Variants in OSBPL10 observed in about 807,000 individuals in gnomAD.
The protein encoded by OSBPL10 is oxysterol binding protein like 10.
OSBPL10 carries 49 observed loss-of-function variants against 81.7 expected under a neutral mutation model. The observed-to-expected ratio is 0.60, with a 90% CI of 0.48 to 0.76. The LOEUF (loss-of-function observed/expected upper bound fraction) is 0.76, where lower values mean the gene tolerates loss of function less well. Among genes scored for constraint, OSBPL10 ranks in the 30% least tolerant of loss-of-function variants. The probability of loss-of-function intolerance (pLI) is 0.00; values close to 1 mark genes in which losing one functional copy is unlikely to be tolerated. For missense variants in OSBPL10, 923 were observed against 987.8 expected (o/e 0.93, Z 0.88); for synonymous variants, 419 against 383.6 (o/e 1.09, Z -1.08).
intron 1 of OSBPL10, among the ~76,000 whole-genome samples, chr3:31,965,548 A>AT (rs1439103207): frequency 1.2e-4 from 1 of 8,206 alleles, no homozygotes; most frequent in African/African-American, 8.9e-4. Flanking sequence ...ATTATATATT[A>AT]TATATTATAT....
intron 2 of OSBPL10, among the ~76,000 whole-genome samples, chr3:32,046,171 G>T (rs368262923): frequency 3.3e-5 from 5 of 152,336 alleles, no homozygotes; most frequent in Middle Eastern, 3.4e-3. Context: ...GGAGTTCAAG[G>T]TTGCACTGAG....
intron 5 of OSBPL10, among the ~76,000 whole-genome samples, 166 bp from the exon 6 acceptor site, chr3:31,733,577 G>A (rs1697042235): frequency 6.6e-6 from 1 of 151,092 alleles, no homozygotes; most frequent in African/African-American, 2.4e-5. Flanking sequence ...CTGATCATCT[G>A]TTGATGAACT....
chr3:31,733,314 G>C lies in OSBPL10; in HGVS notation c.1038C>G (p.Thr346=). 6.2e-7 allele frequency: 1 copy of C among 1,613,390 alleles called. No individual in the cohort carries two copies. Among genetic ancestry groups the C allele is most frequent in the Non-Finnish European group, 8.5e-7 (1 of 1,179,904 alleles). ...CAGCAGAGTTTGGTAAAATTGCCCA[G>C]GTTATGTTGGCACTGGCTGATGGCA... The part of the protein sequence containing the change: ...GSLPSASANI[T]WAILPNSAED... Residue 346 remains threonine (T), a synonymous_variant, in exon 6 of 12, where the codon ACC becomes ACG. Coordinates refer to ENST00000396556, the MANE Select transcript of OSBPL10 (RefSeq NM_017784.5).
intron 7 of OSBPL10, among the ~76,000 whole-genome samples, chr3:31,699,204 T>C (rs1476067764): frequency 6.6e-6 from 1 of 152,204 alleles, no homozygotes; most frequent in Non-Finnish European, 1.5e-5. Flanking sequence ...ATCTCCTGAA[T>C]ACCACATGAT....
chr3:31,671,061 G>T, intron 8 of OSBPL10, 78 bp from the exon 9 acceptor site: 1 of 1,361,638 alleles, frequency 7.3e-7, no homozygotes, highest in Non-Finnish European at 9.9e-7. Flanking sequence ...ATGAAGATGG[G>T]AAACCAAAGA....
chr3:31,886,111 A>G (rs1282710283), intron 1 of OSBPL10, among the ~76,000 whole-genome samples: 2 of 152,074 alleles, frequency 1.3e-5, no homozygotes, highest in Non-Finnish European at 2.9e-5. Flanking sequence ...GCCAAACTAC[A>G]AGAGAATTAC....
intron 1 of OSBPL10, among the ~76,000 whole-genome samples, chr3:31,921,848 C>T (rs1186650999): frequency 6.6e-6 from 1 of 152,168 alleles, no homozygotes; most frequent in African/African-American, 2.4e-5. Flanking sequence ...TTAAGGTCAA[C>T]AGCAACAATT....
chr3:31,714,457 C>T (rs969710003), intron 6 of OSBPL10, among the ~76,000 whole-genome samples: 1 of 152,016 alleles, frequency 6.6e-6, no homozygotes, highest in African/African-American at 2.4e-5. Context: ...CGAGAGGCAG[C>T]GGGGTGGAGT....
At chr3:31,881,390 T>G (rs1458661615) in intron 1 of OSBPL10, among the ~76,000 whole-genome samples, 1 of 152,218 alleles carries the variant, frequency 6.6e-6, no homozygotes, top group African/African-American at 2.4e-5. Context: ...ATATTTTACA[T>G]TTTTTGAGGG....
rs553348773 is a variant in OSBPL10, at chr3:32,073,280, C to G, written n.185+4116G>C. On this transcript the variant is annotated intron_variant and non_coding_transcript_variant, in intron 1 of 3. Coordinates refer to the OSBPL10 transcript ENST00000479173. ...ACATTCACCAGGCTGCTAATCTTCT[C>G]TTGCCTACTCCAGATTCCCAGCCAT... Among the ~76,000 whole-genome samples the G allele has an allele frequency of 2.6e-5, 4 of 152,298 alleles. No homozygotes were observed. In the South Asian group the frequency reaches 6.2e-4, roughly 24 times the overall value.
At chr3:31,779,923 A>G (rs185513425) in intron 4 of OSBPL10, among the ~76,000 whole-genome samples, 1 of 152,352 alleles carries the variant, frequency 6.6e-6, no homozygotes, top group Non-Finnish European at 1.5e-5. Context: ...AAATACATAG[A>G]AATTAATTAA....
At chr3:31,809,748 C>A (rs1699624591) in intron 4 of OSBPL10, among the ~76,000 whole-genome samples, 1 of 151,828 alleles carries the variant, frequency 6.6e-6, no homozygotes, top group Non-Finnish European at 1.5e-5. Flanking sequence ...GACCCAAGTA[C>A]TTAATTTAGT....
chr3:31,954,650 T>TG (rs1697957950), intron 1 of OSBPL10, among the ~76,000 whole-genome samples: 1 of 152,080 alleles, frequency 6.6e-6, no homozygotes, highest in African/African-American at 2.4e-5. Context: ...CAGAAGCTTC[T>TG]GGGGAGATGG....
intron 8 of OSBPL10, among the ~76,000 whole-genome samples, chr3:31,683,043 G>A (rs1700693391): frequency 6.6e-6 from 1 of 152,198 alleles, no homozygotes; most frequent in South Asian, 2.1e-4. Context: ...TAACACAGAT[G>A]CTTGAATTTA....
At chr3:31,900,518 C>T (rs1335022599) in intron 1 of OSBPL10, among the ~76,000 whole-genome samples, 2 of 152,204 alleles carry the variant, frequency 1.3e-5, no homozygotes, top group Non-Finnish European at 2.9e-5. Context: ...CAAGACCTCT[C>T]TTCACATTTC....
chr3:31,661,231 T>C lies in OSBPL10; in HGVS notation c.*841A>G, dbSNP rs1700065776. On this transcript the variant is annotated 3_prime_UTR_variant, in exon 12 of 12. Transcript: ENST00000396556. ...CCCAAACTAAATACAAGATTGAGGC[T>C]GTGGTTGTGCATGTTTTCATGTGCA... is the stretch of plus-strand genomic sequence containing the variant. The C allele has an allele frequency of 6.6e-6, 1 of 152,560 alleles. No homozygotes were observed. Among genetic ancestry groups the C allele is most frequent in the African/African-American group, 2.4e-5 (1 of 41,462 alleles). 9.5% of individuals were successfully genotyped at this position (152,560 alleles called of 1,614,324 possible). A position where few individuals can be genotyped will look rare whatever the true frequency, so the allele number is the denominator to read the frequency against.
intron 4 of OSBPL10, among the ~76,000 whole-genome samples, chr3:31,789,951 TTTA>T (rs1188003723): frequency 7.4e-6 from 1 of 134,294 alleles, no homozygotes; most frequent in Non-Finnish European, 1.6e-5. Flanking sequence ...GACACACATT[TTTA>T]TTCTTTTTTT....
intron 4 of OSBPL10, among the ~76,000 whole-genome samples, chr3:31,822,720 C>T (rs1240408618): frequency 1.3e-5 from 2 of 151,662 alleles, no homozygotes; most frequent in Non-Finnish European, 2.9e-5. Context: ...CACCAGCCTG[C>T]ACAACATAGC....
At chr3:31,972,143 C>G (rs989368305) in intron 1 of OSBPL10, among the ~76,000 whole-genome samples, 1 of 152,008 alleles carries the variant, frequency 6.6e-6, no homozygotes, top group African/African-American at 2.4e-5. Flanking sequence ...AATCCCAGCA[C>G]TTCGGGAGGC....
Sources: gnomAD v4.1 joint callset for allele counts (sites outside exome capture counted in the v4.1 genomes callset) on GRCh38, gnomAD v4.1.1 for gene constraint, MANE v1.5 for transcripts, NCBI Gene and HGNC (gene_info 2026-07-23, HGNC 2026-07-21) for gene names.